The following NRXN2 variants were observed in gnomAD, a reference collection of about 807,000 sequenced individuals.
NRXN2 encodes the protein neurexin 2.
NRXN2 carries 29 observed loss-of-function variants against 128.8 expected under a neutral mutation model. The observed-to-expected ratio is 0.23, with a 90% CI of 0.17 to 0.31. The LOEUF is 0.31. NRXN2 is among the 10% of genes least tolerant of loss of function. The pLI, the probability that NRXN2 is intolerant of heterozygous loss-of-function variation, is 1.00. For synonymous variants in NRXN2, 1,098 were observed against 1,075.2 expected (o/e 1.02, Z -0.41); for missense variants, 1,881 against 2,452.6 (o/e 0.77, Z 4.92).
At chr11:64,661,568 C>T (rs2049035138) in intron 9 of NRXN2, among the ~76,000 whole-genome samples, 1 of 152,228 alleles carries the variant, frequency 6.6e-6, no homozygotes, top group Non-Finnish European at 1.5e-5. Flanking sequence ...GCTGAAAGAT[C>T]TTTAATCCAA....
chr11:64,687,864 G>C (rs1057317393), intron 5 of NRXN2, among the ~76,000 whole-genome samples: 2 of 152,164 alleles, frequency 1.3e-5, no homozygotes, highest in African/African-American at 4.8e-5. Context: ...GGGAACAGAA[G>C]CCAAGGCTTT....
chr11:64,710,954 GAGA>G (rs1408488312), intron 2 of NRXN2, among the ~76,000 whole-genome samples: 1 of 152,190 alleles, frequency 6.6e-6, no homozygotes, highest in African/African-American at 2.4e-5. Flanking sequence ...GAGAAAGGGT[GAGA>G]AGGTGTCAGC....
At chr11:64,719,775 A>G (rs897515642) in intron 1 of NRXN2, among the ~76,000 whole-genome samples, 2 of 152,104 alleles carry the variant, frequency 1.3e-5, no homozygotes, top group Admixed American at 6.5e-5. Context: ...AGTGATGCAG[A>G]GGGGGACAGA....
Position 64,651,584 on chromosome 11 carries a change from G to A in NRXN2, c.2589C>T (p.Gly863=). 1.2e-6 allele frequency: 2 copies of A among 1,614,128 alleles called. No homozygotes were observed. The highest frequency in any genetic ancestry group is 1.7e-6 in the Non-Finnish European group (2 of 1,180,014). The change falls in exon 14 of 23, where the codon GGC becomes GGT. Residue 863 remains glycine, a synonymous_variant. Coordinates refer to ENST00000265459, the MANE Select transcript of NRXN2 (RefSeq NM_015080.4). This position sits in a 1 kb window ranked among gnomAD's most constrained non-coding sequence, Gnocchi z 5.9. ...MRLEFHNIET[G]IMTERRFISV... ...AGATAAACCGCCGCTCCGTCATGAT[G>A]CCCGTCTCAATGTTGTGGAACTCCA...
At position 64,648,685 on chromosome 11, in the gene NRXN2, C is replaced by T; in HGVS notation, c.3283+49G>A. ...GCCCCGGTCTGCCTCTGCAGCTGGC[C>T]ATCCTGTAGCCAGTAGGGCCACACC... On this transcript the variant is annotated intron_variant, in intron 16 of 22. Coordinates refer to ENST00000265459, the MANE Select transcript of NRXN2 (RefSeq NM_015080.4). The surrounding 1 kb of genome is among the most constrained non-coding windows in gnomAD (Gnocchi z 4.1). The T allele has an allele frequency of 6.2e-7, 1 of 1,609,352 alleles. No homozygotes were observed. The highest frequency in any genetic ancestry group is 8.5e-7 in the Non-Finnish European group (1 of 1,177,388).
rs887049432 is a variant in NRXN2 at position 64,662,737 on chromosome 11, G to A, written c.1799-1598C>T. On this transcript the variant is annotated intron_variant, in intron 9 of 22. Transcript: ENST00000265459. ...GCAGAGCTTGCAGTGAGCCAAGATCGTGCCACTGCACTCCAGTCTGGGCGA... is the reference window on the plus strand; with the variant it reads ...GCAGAGCTTGCAGTGAGCCAAGATCATGCCACTGCACTCCAGTCTGGGCGA... 5.3e-4 allele frequency among the ~76,000 whole-genome samples: 80 copies of A among 151,684 alleles called. 2 individuals carry two copies. The highest frequency in any genetic ancestry group is 2.0e-4 in the Admixed American group (3 of 15,260).
chr11:64,691,601 G>A (rs370150115), intron 4 of NRXN2, among the ~76,000 whole-genome samples: 1 of 152,260 alleles, frequency 6.6e-6, no homozygotes, highest in South Asian at 2.1e-4. Flanking sequence ...GGGGCTTTCT[G>A]AGATCCTTTG....
rs750248282 is a variant in NRXN2, at chr11:64,685,783, G to A, written c.1015C>T (p.Leu339=). The change falls in exon 6 of 23, where the codon CTG becomes TTG. Residue 339 remains leucine, a synonymous_variant. Transcript: ENST00000265459. ...HTGKSADYVN[L]SLKSGAVWLV... is the part of the protein sequence containing the mutation. Reference sequence around the variant, plus strand: ...CAGACAGCCCCAGACTTGAGGGACAGGTTGACGTAGTCGGCCGACTTGCCT... The same window carrying A: ...CAGACAGCCCCAGACTTGAGGGACAAGTTGACGTAGTCGGCCGACTTGCCT... 1.2e-6 allele frequency: 2 copies of A among 1,614,262 alleles called. No individual in the cohort carries two copies. The highest frequency in any genetic ancestry group is 1.7e-5 in the Admixed American group (1 of 60,030).
chr11:64,645,082 A>G (rs2046432271), intron 17 of NRXN2, among the ~76,000 whole-genome samples: 1 of 152,172 alleles, frequency 6.6e-6, no homozygotes, highest in Non-Finnish European at 1.5e-5. Flanking sequence ...CGAGCCATGC[A>G]GTGCTGGAGG....
intron 7 of NRXN2, chr11:64,676,695 C>T: frequency 1.9e-6 from 1 of 517,658 alleles, no homozygotes; most frequent in Admixed American, 3.4e-5. Flanking sequence ...GGGGCCTGCC[C>T]CCAGGTCTCT....
Position 64,706,305 on chromosome 11 carries a change from A to C in NRXN2, c.730+6665T>G, listed in dbSNP as rs1165477601. On this transcript the variant is annotated intron_variant, in intron 2 of 22. Transcript: ENST00000265459. ...GTCACTTACATTAGGTATATCTCCT[A>C]ATGCTATCCCTCCCCACTCCCCCCA... Among the ~76,000 whole-genome samples, 3 of 144,882 alleles carry C rather than the reference A, an allele frequency of 2.1e-5. No individual in the cohort carries two copies. In the East Asian group the frequency reaches 6.1e-4, roughly 30 times the overall value.
chr11:64,667,115 G>A lies in NRXN2; in HGVS notation c.1798+135C>T. On this transcript the variant is annotated intron_variant, in intron 9 of 22. Coordinates refer to ENST00000265459, the MANE Select transcript of NRXN2 (RefSeq NM_015080.4). The surrounding 1 kb of genome is among the most constrained non-coding windows in gnomAD (Gnocchi z 5.6). ...AAAGGACAATTGGGAAGACGTGAGG[G>A]GGGTGGAGGAGAAGCGGCAGGGAAG... 2 of 883,048 alleles carry A rather than the reference G, an allele frequency of 2.3e-6. No individual in the cohort carries two copies. Among genetic ancestry groups the A allele is most frequent in the Non-Finnish European group, 3.6e-6 (2 of 551,588 alleles). The allele number at this position is 883,048 out of a possible 1,614,324, so 54.7% of individuals were successfully genotyped here.
In NRXN2 at chr11:64,608,057, G is replaced by T. The variant is rs1228468616; in HGVS notation, c.4278C>A (p.Ile1426=). The T allele has an allele frequency of 1.3e-6, 2 of 1,583,742 alleles. No individual in the cohort carries two copies. The highest frequency in any genetic ancestry group is 1.7e-6 in the Non-Finnish European group (2 of 1,173,032). Reference sequence around the variant, plus strand: ...GAGGGGGGTCTAAGGAGTCCTCCGTGATAATGGGCAATATTAACTCTCCTC... The same window carrying T: ...GAGGGGGGTCTAAGGAGTCCTCCGTTATAATGGGCAATATTAACTCTCCTC... ...STGGELILPI[I]TEDSLDPPPV... Residue 1426 remains isoleucine, a synonymous_variant, in exon 23 of 23, where the codon ATC becomes ATA. Coordinates refer to ENST00000265459, the MANE Select transcript of NRXN2 (RefSeq NM_015080.4).
In NRXN2 at chr11:64,607,308, T is replaced by A; in HGVS notation, c.5027A>T (p.Tyr1676Phe). The A allele has an allele frequency of 6.2e-7, 1 of 1,613,970 alleles. No homozygotes were observed. Among genetic ancestry groups the A allele is most frequent in the Non-Finnish European group, 8.5e-7 (1 of 1,179,952 alleles). ...GSYQVDQSRN[Y>F]ISNSAQSNGA... ...ATTGCTCTGGGCCGAGTTACTGATG[T>A]AGTTTCGGCTCTGGTCCACCTGGTA... The change falls in exon 23 of 23, where the codon TAC (tyrosine) becomes TTC (phenylalanine). Residue 1676 changes from tyrosine to phenylalanine, a missense_variant. Around this residue, in one of 7 missense-constraint regions of NRXN2, gnomAD observed 63 missense variants for 76.0 expected, o/e 0.83. Transcript: ENST00000265459.
At chr11:64,620,176 G>A (rs1230525176) in intron 22 of NRXN2, 118 bp downstream of exon 22, 2 of 771,136 alleles carry the variant, frequency 2.6e-6, no homozygotes, top group Admixed American at 2.0e-5. Context: ...GAACTATCAG[G>A]GAAAGCTAAG....
chr11:64,671,765 G>A (rs937837153), intron 7 of NRXN2, among the ~76,000 whole-genome samples: 4 of 152,124 alleles, frequency 2.6e-5, no homozygotes, highest in African/African-American at 9.6e-5. Flanking sequence ...GAAAGAGAGA[G>A]GAGTGACCAC....
At chr11:64,664,713 CG>C (rs201625174) in intron 9 of NRXN2, among the ~76,000 whole-genome samples, 3,657 of 151,836 alleles carry the variant, frequency 0.024, 61 homozygotes, top group Non-Finnish European at 0.038. Flanking sequence ...CATCAGAGGC[CG>C]GGCGCCGTGG....
chr11:64,686,554 C>T (rs967130523), intron 5 of NRXN2, among the ~76,000 whole-genome samples: 6 of 152,172 alleles, frequency 3.9e-5, no homozygotes, highest in African/African-American at 1.2e-4. Flanking sequence ...GGAAGACACA[C>T]ACGAAGGCGA....
At chr11:64,614,837 G>A (rs951561676) in intron 22 of NRXN2, among the ~76,000 whole-genome samples, 2 of 152,270 alleles carry the variant, frequency 1.3e-5, no homozygotes, top group Non-Finnish European at 2.9e-5. Flanking sequence ...AGAGGAGCCA[G>A]GTCTTGACTG....
Sources: allele counts gnomAD v4.1 joint callset (sites outside exome capture counted in the v4.1 genomes callset), GRCh38; gene constraint gnomAD v4.1.1; regional missense constraint gnomAD v4.1.1; non-coding constraint Gnocchi (gnomAD v3.1); transcripts MANE v1.5; gene names NCBI Gene and HGNC (gene_info 2026-07-23, HGNC 2026-07-21).